Variants in ADAM19 observed in about 807,000 individuals in gnomAD.
ADAM19 encodes the protein disintegrin and metalloproteinase domain-containing protein 19.
ADAM19 carries 65 observed loss-of-function variants against 114.7 expected under a neutral mutation model. The ratio of observed to expected loss-of-function variants is 0.57; its 90% CI spans 0.46 to 0.70. The LOEUF (loss-of-function observed/expected upper bound fraction) is 0.70. Ranked by LOEUF, ADAM19 falls within the 30% of genes least tolerant of loss-of-function variation. ADAM19 has a pLI of 0.00. For missense variants in ADAM19, 1,063 were observed against 1,204.7 expected, an observed-to-expected ratio of 0.88 and a Z score of 1.74; for synonymous variants, 466 against 460.5, an observed-to-expected ratio of 1.01 and a Z score of -0.15.
chr5:157,501,376 T>C (rs990454646), intron 12 of ADAM19, among the ~76,000 whole-genome samples: 1 of 152,236 alleles, frequency 6.6e-6, no homozygotes, highest in African/African-American at 2.4e-5. Context: ...GTCATTTGTC[T>C]TCCTAGCACT....
intron 3 of ADAM19, among the ~76,000 whole-genome samples, chr5:157,561,831 T>C (rs554046750): frequency 1.3e-5 from 2 of 151,804 alleles, no homozygotes; most frequent in South Asian, 4.2e-4. Flanking sequence ...TGTTTCCCAC[T>C]AGAATAGAAG....
At chr5:157,536,728 T>C (rs774222122) in intron 4 of ADAM19, among the ~76,000 whole-genome samples, 5 of 152,160 alleles carry the variant, frequency 3.3e-5, no homozygotes, top group Non-Finnish European at 5.9e-5. Flanking sequence ...TAGTGGCCAG[T>C]GTTATCTTGC....
chr5:157,499,069 A>C (rs1424472655), intron 13 of ADAM19, among the ~76,000 whole-genome samples: 2 of 152,230 alleles, frequency 1.3e-5, no homozygotes, highest in Admixed American at 1.3e-4. Flanking sequence ...AGCTGGATTC[A>C]GTCCCTTCCT....
intron 3 of ADAM19, among the ~76,000 whole-genome samples, chr5:157,548,853 C>T (rs1285681972): frequency 6.6e-6 from 1 of 152,128 alleles, no homozygotes; most frequent in Non-Finnish European, 1.5e-5. Context: ...TCCAGAGAGC[C>T]TAGATGAAGA....
chr5:157,559,962 C>A (rs756014030), intron 3 of ADAM19, among the ~76,000 whole-genome samples: 30 of 152,288 alleles, frequency 2.0e-4, no homozygotes, highest in Admixed American at 1.1e-3. Flanking sequence ...ACTCACAGAG[C>A]ATCCTTTAAA....
chr5:157,571,202 A>G (rs971307934), intron 1 of ADAM19, among the ~76,000 whole-genome samples: 1 of 152,210 alleles, frequency 6.6e-6, no homozygotes, highest in Non-Finnish European at 1.5e-5. Flanking sequence ...GAGACAGACA[A>G]TGAACAAATG....
intron 5 of ADAM19, among the ~76,000 whole-genome samples, chr5:157,525,736 C>A (rs142436011): frequency 6.6e-6 from 1 of 152,190 alleles, no homozygotes; most frequent in Non-Finnish European, 1.5e-5. Flanking sequence ...AGATCTTAAA[C>A]GTGGATCCCT....
rs531121892 is a variant in ADAM19, at chr5:157,494,398, G to A, written c.1703+289C>T. The stretch of plus-strand genomic sequence containing the variant: ...TCAAATTAGGGCATGATTAGAATTT[G>A]GCAGAAATGACCCAAAAGGGCTGAT... On this transcript the variant is annotated intron_variant, in intron 15 of 22. Coordinates refer to ENST00000257527, the MANE Select transcript of ADAM19 (RefSeq NM_033274.5). Among the ~76,000 whole-genome samples, 3 of 152,310 alleles carry A rather than the reference G, an allele frequency of 2.0e-5. No individual in the cohort carries two copies. In the South Asian group the frequency reaches 6.2e-4, roughly 32 times the overall value.
chr5:157,513,549 A>C, intron 7 of ADAM19, 44 bp from the exon 8 acceptor site: 2 of 1,521,334 alleles, frequency 1.3e-6, no homozygotes, highest in Non-Finnish European at 1.8e-6. Flanking sequence ...AGAACCTCTC[A>C]CAGGATGCTT....
At chr5:157,530,417 C>G (rs1756591592) in intron 5 of ADAM19, among the ~76,000 whole-genome samples, 1 of 152,198 alleles carries the variant, frequency 6.6e-6, no homozygotes, top group Non-Finnish European at 1.5e-5. Flanking sequence ...CGTCTGCTGA[C>G]ATTTCTCCAG....
chr5:157,567,174 C>T (rs1244619262), intron 2 of ADAM19, among the ~76,000 whole-genome samples: 1 of 152,182 alleles, frequency 6.6e-6, no homozygotes, highest in Admixed American at 6.5e-5. Context: ...AGGATTTGGG[C>T]ATTTCTGAGA....
chr5:157,571,026 C>G (rs780875629), intron 1 of ADAM19, 46 bp from the exon 2 acceptor site: 4 of 1,555,900 alleles, frequency 2.6e-6, no homozygotes, highest in Non-Finnish European at 3.5e-6. Context: ...GACCTCTATA[C>G]CCCAGCTAAG....
At chr5:157,527,205 C>CT (rs1229921423) in intron 5 of ADAM19, among the ~76,000 whole-genome samples, 2 of 151,790 alleles carry the variant, frequency 1.3e-5, no homozygotes, top group African/African-American at 4.8e-5. Context: ...GAAACTGACA[C>CT]TTTTTTTTGT....
intron 3 of ADAM19, among the ~76,000 whole-genome samples, chr5:157,560,128 A>G (rs1757471175): frequency 6.7e-6 from 1 of 150,342 alleles, no homozygotes; most frequent in Non-Finnish European, 1.5e-5. Context: ...AGCCGGGCGT[A>G]GTGGCGGGCG....
At chr5:157,492,184 C>A (rs1755194625) in intron 16 of ADAM19, among the ~76,000 whole-genome samples, 1 of 152,092 alleles carries the variant, frequency 6.6e-6, no homozygotes, top group Non-Finnish European at 1.5e-5. Context: ...CCCAGCTACT[C>A]GGGAAGCTGA....
At chr5:157,527,495 C>G (rs1270946899) in intron 5 of ADAM19, among the ~76,000 whole-genome samples, 2 of 152,222 alleles carry the variant, frequency 1.3e-5, no homozygotes, top group Non-Finnish European at 2.9e-5. Flanking sequence ...CAGGCGTAAG[C>G]CACCGCACCC....
At chr5:157,550,892 A>G (rs1348965118) in intron 3 of ADAM19, among the ~76,000 whole-genome samples, 1 of 152,234 alleles carries the variant, frequency 6.6e-6, no homozygotes, top group African/African-American at 2.4e-5. Flanking sequence ...AGTGATTCAT[A>G]CCATCATTCT....
At chr5:157,519,392 C>T (rs927946286) in intron 6 of ADAM19, among the ~76,000 whole-genome samples, 4 of 152,146 alleles carry the variant, frequency 2.6e-5, no homozygotes, top group African/African-American at 9.7e-5. Flanking sequence ...AAGTGATTCC[C>T]GTGCCCCAGC....
At chr5:157,538,545 A>C (rs2113764377) in intron 3 of ADAM19, among the ~76,000 whole-genome samples, 1 of 152,354 alleles carries the variant, frequency 6.6e-6, no homozygotes, top group African/African-American at 2.4e-5. Flanking sequence ...GAAGCAATGC[A>C]TCTGTTCTTC....
Sources: gnomAD v4.1 joint callset for allele counts (sites outside exome capture counted in the v4.1 genomes callset) on GRCh38, gnomAD v4.1.1 for gene constraint, MANE v1.5 for transcripts, NCBI Gene and HGNC (gene_info 2026-07-23, HGNC 2026-07-21) for gene names.